Variants in DTWD2 observed in about 807,000 individuals in gnomAD.
The protein encoded by DTWD2 is DTW motif tRNA-uridine aminocarboxypropyltransferase 2, also known as tRNA-uridine aminocarboxypropyltransferase 2.
A neutral mutation model predicts 31.8 loss-of-function variants in DTWD2; 39 were observed. The ratio of observed to expected loss-of-function variants is 1.22; its 90% confidence interval spans 0.95 to 1.60. DTWD2 has a LOEUF of 1.60. Ranked by LOEUF, DTWD2 falls within the 40% of genes most tolerant of loss-of-function variation. DTWD2 has a pLI of 0.00. For missense variants in DTWD2, 515 were observed against 381.5 expected, an observed-to-expected ratio of 1.35 and a Z score of -2.92; for synonymous variants, 180 against 142.8, an observed-to-expected ratio of 1.26 and a Z score of -1.86.
At chr5:118,923,033 GCTTTTTTT>G (rs1047874775) in intron 4 of DTWD2, among the ~76,000 whole-genome samples, 8 of 151,528 alleles carry the variant, frequency 5.3e-5, no homozygotes, top group African/African-American at 1.9e-4. Flanking sequence ...CATTCAATAA[GCTTTTTTT>G]TTTAATAGGC....
chr5:118,938,644 G>A (rs1754104748), intron 3 of DTWD2, among the ~76,000 whole-genome samples: 1 of 151,994 alleles, frequency 6.6e-6, no homozygotes, highest in South Asian at 2.1e-4. Context: ...AGCCCAGGAG[G>A]TGGAGGCTGC....
At chr5:118,981,055 G>A (rs1755288018) in intron 1 of DTWD2, among the ~76,000 whole-genome samples, 1 of 152,154 alleles carries the variant, frequency 6.6e-6, no homozygotes, top group Non-Finnish European at 1.5e-5. Flanking sequence ...GCTACAACAT[G>A]GATGGACCTT....
intron 1 of DTWD2, among the ~76,000 whole-genome samples, chr5:118,951,501 T>C (rs1008723847): frequency 2.0e-5 from 3 of 152,152 alleles, no homozygotes; most frequent in African/African-American, 7.2e-5. Context: ...CATTTGCCCA[T>C]TTTACGAGAA....
At chr5:118,902,746 T>C (rs913274695) in intron 4 of DTWD2, among the ~76,000 whole-genome samples, 32 of 152,140 alleles carry the variant, frequency 2.1e-4, no homozygotes, top group African/African-American at 7.5e-4. Context: ...GGAACTCATA[T>C]AGCAATTTTT....
chr5:118,878,600 C>T (rs1329586426), intron 4 of DTWD2, among the ~76,000 whole-genome samples: 2 of 152,138 alleles, frequency 1.3e-5, no homozygotes, highest in African/African-American at 4.8e-5. Flanking sequence ...GCAGAGATTT[C>T]ATAACAAAAA....
At chr5:118,916,911 G>A (rs1418178560) in intron 4 of DTWD2, among the ~76,000 whole-genome samples, 1 of 151,992 alleles carries the variant, frequency 6.6e-6, no homozygotes, top group South Asian at 2.1e-4. Flanking sequence ...AGGAATACCT[G>A]CTTTTTTTTC....
intron 4 of DTWD2, among the ~76,000 whole-genome samples, chr5:118,891,581 GC>G (rs1415063594): frequency 6.6e-6 from 1 of 152,132 alleles, no homozygotes; most frequent in African/African-American, 2.4e-5. Context: ...AAGAATGCAA[GC>G]AATTAGAGGC....
chr5:118,981,061 A>C (rs1273358456), intron 1 of DTWD2, among the ~76,000 whole-genome samples: 1 of 152,194 alleles, frequency 6.6e-6, no homozygotes, highest in Non-Finnish European at 1.5e-5. Context: ...ACATGGATGG[A>C]CCTTGAAAAC....
chr5:118,860,233 ATAT>A (rs765187215), intron 4 of DTWD2, among the ~76,000 whole-genome samples: 87 of 149,706 alleles, frequency 5.8e-4, no homozygotes, highest in Non-Finnish European at 9.6e-4. Flanking sequence ...ATTTATTAAT[ATAT>A]TATAATCTTA....
At chr5:118,971,723 T>C (rs1024069794) in intron 1 of DTWD2, among the ~76,000 whole-genome samples, 1 of 152,174 alleles carries the variant, frequency 6.6e-6, no homozygotes, top group South Asian at 2.1e-4. Context: ...ATTGATCACA[T>C]AATTGGAAAT....
intron 4 of DTWD2, among the ~76,000 whole-genome samples, chr5:118,918,839 A>AAAAAG (rs966444143): frequency 6.6e-6 from 1 of 152,010 alleles, no homozygotes; most frequent in Admixed American, 6.6e-5. Flanking sequence ...AAAAAAAAAA[A>AAAAAG]AAAAGAAAAG....
chr5:118,836,738 G>A lies in DTWD2; in HGVS notation c.*4179C>T, dbSNP rs184566056. On this transcript the variant is annotated 3_prime_UTR_variant, in exon 6 of 6. Coordinates refer to ENST00000510708, the MANE Select transcript of DTWD2 (RefSeq NM_173666.4). ...CATAAGGGTCTCAGAGAGCTAGCTCGACCCTTCCACTAGGTGAAGACACAG... is the reference window on the plus strand; with the variant it reads ...CATAAGGGTCTCAGAGAGCTAGCTCAACCCTTCCACTAGGTGAAGACACAG... Among the ~76,000 whole-genome samples the A allele has an allele frequency of 5.3e-5, 8 of 152,234 alleles. 1 individual carries two copies. Among genetic ancestry groups the A allele is most frequent in the Admixed American group, 3.9e-4 (6 of 15,290 alleles).
chr5:118,975,497 A>G (rs1755133210), intron 1 of DTWD2, among the ~76,000 whole-genome samples: 1 of 152,020 alleles, frequency 6.6e-6, no homozygotes, highest in African/African-American at 2.4e-5. Context: ...GAGGAATTTG[A>G]TATTACCCAC....
chr5:118,907,493 G>A (rs1172980903), intron 4 of DTWD2, among the ~76,000 whole-genome samples: 1 of 152,194 alleles, frequency 6.6e-6, no homozygotes, highest in African/African-American at 2.4e-5. Flanking sequence ...CACTTTGGGA[G>A]GCCAAGGCGG....
At chr5:118,916,770 G>A (rs746392257) in intron 4 of DTWD2, among the ~76,000 whole-genome samples, 7 of 151,842 alleles carry the variant, frequency 4.6e-5, no homozygotes, top group South Asian at 2.1e-4. Context: ...CTTTCCTCAC[G>A]TATCTAAAAT....
At chr5:118,865,171 G>A (rs1338875465) in intron 4 of DTWD2, among the ~76,000 whole-genome samples, 1 of 152,156 alleles carries the variant, frequency 6.6e-6, no homozygotes, top group African/African-American at 2.4e-5. Flanking sequence ...TTGAGAAAAA[G>A]CATTCCTTCA....
chr5:118,895,855 C>T (rs1400760829), intron 4 of DTWD2, among the ~76,000 whole-genome samples: 2 of 152,060 alleles, frequency 1.3e-5, no homozygotes, highest in South Asian at 2.1e-4. Flanking sequence ...TTTCACTATA[C>T]TACCAAGCCT....
intron 4 of DTWD2, among the ~76,000 whole-genome samples, chr5:118,850,756 C>T (rs1231622481): frequency 6.6e-6 from 1 of 152,042 alleles, no homozygotes; most frequent in Non-Finnish European, 1.5e-5. Context: ...AAATTATTTG[C>T]AAACTATGCA....
intron 1 of DTWD2, among the ~76,000 whole-genome samples, chr5:118,978,674 G>C (rs1379726877): frequency 6.6e-6 from 1 of 152,154 alleles, no homozygotes; most frequent in Non-Finnish European, 1.5e-5. Flanking sequence ...ACCACAGTGA[G>C]ATACCATCTC....
Sources: allele counts gnomAD v4.1 joint callset (sites outside exome capture counted in the v4.1 genomes callset), GRCh38; gene constraint gnomAD v4.1.1; transcripts MANE v1.5; gene names NCBI Gene and HGNC (gene_info 2026-07-23, HGNC 2026-07-21).